ATP8A2: variants seen among roughly 807,000 people sequenced by gnomAD.
ATP8A2 encodes ATPase phospholipid transporting 8A2.
In ATP8A2, 100 loss-of-function variants were observed where a neutral mutation model predicts 165.6. The ratio of observed to expected loss-of-function variants is 0.60; its 90% CI spans 0.51 to 0.71. ATP8A2 has a LOEUF of 0.71. ATP8A2 is among the 30% of genes least tolerant of loss of function. ATP8A2 has a pLI of 0.00. For missense variants in ATP8A2, 1,227 were observed against 1,479.5 expected, an observed-to-expected ratio of 0.83 and a Z score of 2.80; for synonymous variants, 543 against 548.8, an observed-to-expected ratio of 0.99 and a Z score of 0.15.
intron 11 of ATP8A2, among the ~76,000 whole-genome samples, chr13:25,553,266 C>T (rs2038879403): frequency 6.6e-6 from 1 of 151,474 alleles, no homozygotes. Flanking sequence ...GGGTCCTGTT[C>T]CATCCTTAGG....
At position 25,469,116 on chromosome 13, in the gene ATP8A2, G is replaced by T. The variant is rs747042311; in HGVS notation, c.216G>T (p.Gln72His). The T allele has an allele frequency of 8.1e-6, 13 of 1,613,800 alleles. No individual in the cohort carries two copies. The highest frequency in any genetic ancestry group is 1.0e-5 in the Non-Finnish European group (12 of 1,179,870). The change falls in exon 2 of 37, where the codon CAG (glutamine) becomes CAT (histidine). Residue 72 changes from glutamine (Q) to histidine (H), a missense_variant. Around this residue, in one of 5 missense-constraint regions of ATP8A2, gnomAD observed 356 missense variants for 394.9 expected, o/e 0.90. Transcript: ENST00000381655. ...ATCTCAACAAATTCCGCGACAACCA[G>T]ATCAGGTAGGAGAAGGCGGCCGGCT... Reference protein sequence around the residue: ...QPHLNKFRDNQISTAKYSVLT... With the variant: ...QPHLNKFRDNHISTAKYSVLT...
chr13:25,936,420 T>A (rs1954891872), intron 33 of ATP8A2, among the ~76,000 whole-genome samples: 2 of 152,164 alleles, frequency 1.3e-5, no homozygotes, highest in South Asian at 4.1e-4. Context: ...GAGTCTTCAG[T>A]GAGAAGTTTG....
intron 30 of ATP8A2, among the ~76,000 whole-genome samples, chr13:25,854,313 C>A (rs949399312): frequency 1.3e-5 from 2 of 152,082 alleles, no homozygotes; most frequent in African/African-American, 2.4e-5. Flanking sequence ...ACCCTACATC[C>A]AAATCATAAG....
At chr13:25,730,222 T>C (rs1341375948) in intron 25 of ATP8A2, among the ~76,000 whole-genome samples, 1 of 152,128 alleles carries the variant, frequency 6.6e-6, no homozygotes, top group Non-Finnish European at 1.5e-5. Context: ...ACTCAGGTGG[T>C]TGAGGCTGCA....
chr13:25,766,552 C>T (rs897762787), intron 25 of ATP8A2, among the ~76,000 whole-genome samples: 4 of 152,164 alleles, frequency 2.6e-5, no homozygotes, highest in African/African-American at 9.7e-5. Context: ...CATTGATTTT[C>T]ACAAGGCATT....
intron 33 of ATP8A2, among the ~76,000 whole-genome samples, chr13:25,871,719 C>T (rs1314477240): frequency 2.0e-5 from 3 of 152,082 alleles, no homozygotes; most frequent in African/African-American, 2.4e-5. Context: ...TCGAAGCATC[C>T]ACTGAGTAAA....
At chr13:25,805,871 T>G (rs1341354580) in intron 27 of ATP8A2, among the ~76,000 whole-genome samples, 2 of 152,172 alleles carry the variant, frequency 1.3e-5, no homozygotes, top group Non-Finnish European at 2.9e-5. Context: ...TAGTTTTTTT[T>G]TCTGGACTAT....
chr13:25,647,988 C>G (rs1013727935), intron 24 of ATP8A2, among the ~76,000 whole-genome samples: 5 of 152,102 alleles, frequency 3.3e-5, no homozygotes, highest in African/African-American at 1.2e-4. Context: ...TGCACCCGGC[C>G]CATTATTTCT....
chr13:25,742,681 CTT>C (rs11395602), intron 25 of ATP8A2, among the ~76,000 whole-genome samples: 7 of 130,682 alleles, frequency 5.4e-5, no homozygotes, highest in African/African-American at 2.1e-4. Flanking sequence ...CTCTCTCTGT[CTT>C]TTTTTTTTTT....
chr13:25,941,668 C>A (rs1955076640), intron 33 of ATP8A2, among the ~76,000 whole-genome samples: 1 of 152,176 alleles, frequency 6.6e-6, no homozygotes, highest in Admixed American at 6.5e-5. Context: ...CAGCAGCACA[C>A]ACTGAATCCA....
At chr13:25,392,098 C>T (rs933321330) in intron 1 of ATP8A2, among the ~76,000 whole-genome samples, 12 of 152,176 alleles carry the variant, frequency 7.9e-5, no homozygotes, top group Non-Finnish European at 1.3e-4. Flanking sequence ...AGAAGCTCTC[C>T]GGGGCTGACC....
At chr13:25,839,057 G>C (rs1187744979) in intron 29 of ATP8A2, among the ~76,000 whole-genome samples, 1 of 152,164 alleles carries the variant, frequency 6.6e-6, no homozygotes, top group Non-Finnish European at 1.5e-5. Flanking sequence ...TAAAACAAAA[G>C]AGTGAGAATG....
chr13:25,837,237 TC>T lies in ATP8A2; in HGVS notation c.2833del (p.Gln945SerfsTer36). 6.2e-7 allele frequency: 1 copy of T among 1,614,036 alleles called. No homozygotes were observed. The stretch of plus-strand genomic sequence containing the variant: ...GCACTCAGGAGAGCATGCTCAGGTT[TC>T]CCCAGCTCTACAAAATCACCCAGAA... The part of the protein sequence containing the change: ...SCTQESMLRF[P>X]QLYKITQNGE... On this transcript the variant is annotated frameshift_variant, in exon 29 of 37. Transcript: ENST00000381655. LOFTEE classifies it high-confidence loss of function.
At chr13:25,952,341 G>C (rs145121809) in intron 33 of ATP8A2, among the ~76,000 whole-genome samples, 126 of 151,976 alleles carry the variant, frequency 8.3e-4, no homozygotes, top group Middle Eastern at 3.4e-3. Context: ...ATTAGCGTGG[G>C]CTCACTAAGC....
chr13:25,503,301 C>A (rs957257404), intron 2 of ATP8A2, among the ~76,000 whole-genome samples: 2 of 152,130 alleles, frequency 1.3e-5, no homozygotes, highest in Non-Finnish European at 2.9e-5. Flanking sequence ...CAATGACATA[C>A]GCAAACAGAG....
chr13:25,738,345 C>CA (rs1432534324), intron 25 of ATP8A2, among the ~76,000 whole-genome samples: 2 of 126,794 alleles, frequency 1.6e-5, no homozygotes, highest in Admixed American at 8.0e-5. Context: ...CCCCCTCCCC[C>CA]CCCCCCACAC....
intron 1 of ATP8A2, among the ~76,000 whole-genome samples, chr13:25,397,611 C>T (rs980905318): frequency 6.6e-6 from 1 of 152,076 alleles, no homozygotes. Context: ...GGTCATTATG[C>T]TTTGTTGAGG....
chr13:25,546,116 G>C (rs576780020), intron 10 of ATP8A2, among the ~76,000 whole-genome samples: 1 of 151,736 alleles, frequency 6.6e-6, no homozygotes, highest in Admixed American at 6.6e-5. Context: ...AGCATACATT[G>C]GTAATATAGC....
At chr13:25,411,029 C>T (rs2033950058) in intron 1 of ATP8A2, among the ~76,000 whole-genome samples, 1 of 152,172 alleles carries the variant, frequency 6.6e-6, no homozygotes, top group South Asian at 2.1e-4. Flanking sequence ...GAGTTCTGGG[C>T]TCTTAATCTC....
Sources: gnomAD v4.1 joint callset for allele counts (sites outside exome capture counted in the v4.1 genomes callset) on GRCh38, gnomAD v4.1.1 for gene constraint, gnomAD v4.1.1 regional missense constraint, MANE v1.5 for transcripts, NCBI Gene and HGNC (gene_info 2026-07-23, HGNC 2026-07-21) for gene names.